Variants in CADPS observed in about 807,000 individuals in gnomAD.
CADPS encodes the protein calcium-dependent secretion activator 1.
A neutral mutation model predicts 167.3 loss-of-function variants in CADPS; 57 were observed. That is an observed-to-expected ratio of 0.34 (90% CI 0.28 to 0.42). The LOEUF is 0.42. Ranked by LOEUF, CADPS falls within the 20% of genes least tolerant of loss-of-function variation. The probability of loss-of-function intolerance (pLI) is 1.00; values close to 1 mark genes in which losing one functional copy is unlikely to be tolerated. For synonymous variants in CADPS, 676 were observed against 635.3 expected (o/e 1.06, Z -0.96); for missense variants, 1,414 against 1,738.1 (o/e 0.81, Z 3.32).
intron 3 of CADPS, among the ~76,000 whole-genome samples, chr3:62,703,873 C>T (rs566309883): frequency 3.5e-4 from 54 of 152,266 alleles, no homozygotes; most frequent in Non-Finnish European, 6.3e-4. Flanking sequence ...ATCCAGTTGA[C>T]TTATCTTCAT....
At chr3:62,512,653 G>T in intron 17 of CADPS, 98 bp downstream of exon 17, 1 of 822,490 alleles carries the variant, frequency 1.2e-6, no homozygotes, top group East Asian at 2.6e-5. Flanking sequence ...ATGGCTCTCT[G>T]GGAGTACAAA....
At position 62,446,040 on chromosome 3, in the gene CADPS, C is replaced by T. The variant is rs775427656; in HGVS notation, c.3637-243G>A. Among the ~76,000 whole-genome samples, 1 of 152,182 alleles carries T rather than the reference C, an allele frequency of 6.6e-6. No individual in the cohort carries two copies. Among genetic ancestry groups the T allele is most frequent in the Non-Finnish European group, 1.5e-5 (1 of 68,030 alleles). ...TCAGATTCTGTTGCTGGAGCGGGAG[C>T]TTTACATTTTCCTCCCTCCCTCTGA... On this transcript the variant is annotated intron_variant, in intron 26 of 29. Coordinates refer to ENST00000383710, the MANE Select transcript of CADPS (RefSeq NM_003716.4). The surrounding 1 kb of genome is among the most constrained non-coding windows in gnomAD (Gnocchi z 4.9).
At chr3:62,659,380 G>T (rs892664725) in intron 4 of CADPS, among the ~76,000 whole-genome samples, 3 of 152,124 alleles carry the variant, frequency 2.0e-5, no homozygotes, top group Non-Finnish European at 4.4e-5. Context: ...ATCAGTATTA[G>T]CCAGGCTGGT....
intron 1 of CADPS, among the ~76,000 whole-genome samples, chr3:62,772,755 G>A (rs1267770614): frequency 6.6e-6 from 1 of 152,172 alleles, no homozygotes; most frequent in East Asian, 1.9e-4. Context: ...TGGTTAATAT[G>A]TGTCCTATTG....
chr3:62,621,942 C>G (rs2063250565), intron 6 of CADPS, among the ~76,000 whole-genome samples: 1 of 150,760 alleles, frequency 6.6e-6, no homozygotes, highest in Non-Finnish European at 1.5e-5. Context: ...CTGGAGCCTG[C>G]CTTCTCCAGC....
intron 3 of CADPS, among the ~76,000 whole-genome samples, chr3:62,744,264 T>C (rs2152329160): frequency 1.3e-5 from 2 of 152,182 alleles, no homozygotes; most frequent in East Asian, 3.9e-4. Flanking sequence ...ACGTAAATTA[T>C]GAAGCCTCCA....
rs1330475735 is a variant in CADPS, at chr3:62,465,505, A to G, written c.3553-55T>C. The G allele has an allele frequency of 8.2e-6, 10 of 1,224,896 alleles. No individual in the cohort carries two copies. The highest frequency in any genetic ancestry group is 1.4e-5 in the South Asian group (1 of 72,750). The allele number at this position is 1,224,896 out of a possible 1,614,324, so 75.9% of individuals were successfully genotyped here. A position where few individuals can be genotyped will look rare whatever the true frequency, so the allele number is the denominator to read the frequency against. ...TTATTTCAAACTATAATTGTTCACC[A>G]TAAAGCACATCATTTCCCCACCACA... On this transcript the variant is annotated intron_variant, in intron 25 of 29. Transcript: ENST00000383710. The surrounding 1 kb of genome is among the most constrained non-coding windows in gnomAD (Gnocchi z 4.1).
Position 62,776,893 on chromosome 3 carries a change from A to C in CADPS, c.442-10909T>G, listed in dbSNP as rs75120241. ...AGGGCATTCCAGGTTGAGGGTACAA[A>C]ATGGGTGAGGAAAGACAAGATGAGA... On this transcript the variant is annotated intron_variant, in intron 1 of 29. Transcript: ENST00000383710. Among the ~76,000 whole-genome samples the C allele has an allele frequency of 4.2e-3, 642 of 152,202 alleles. 6 individuals are homozygous for C. Among genetic ancestry groups the C allele is most frequent in the African/African-American group, 0.014 (597 of 41,526 alleles).
At chr3:62,734,617 T>C (rs2152208317) in intron 3 of CADPS, among the ~76,000 whole-genome samples, 2 of 152,368 alleles carry the variant, frequency 1.3e-5, no homozygotes, top group South Asian at 4.1e-4. Context: ...ATTTATCTTT[T>C]CTGTTGAATG....
At chr3:62,429,463 C>A (rs2053484682) in intron 28 of CADPS, among the ~76,000 whole-genome samples, 1 of 152,110 alleles carries the variant, frequency 6.6e-6, no homozygotes, top group Admixed American at 6.6e-5. Context: ...ATCGTGAAAT[C>A]TTTTGATAGC....
intron 8 of CADPS, among the ~76,000 whole-genome samples, chr3:62,572,055 G>A (rs1170103801): frequency 6.6e-6 from 1 of 152,182 alleles, no homozygotes; most frequent in Non-Finnish European, 1.5e-5. Context: ...CCTGTCTACT[G>A]TCATCAACAC....
chr3:62,869,301 T>G (rs1017431805), intron 1 of CADPS, among the ~76,000 whole-genome samples: 2 of 152,144 alleles, frequency 1.3e-5, no homozygotes, highest in Non-Finnish European at 2.9e-5. Context: ...CAGTCACTTC[T>G]GTACCAGTCT....
intron 1 of CADPS, among the ~76,000 whole-genome samples, chr3:62,771,638 C>T (rs74548916): frequency 0.023 from 3,451 of 152,140 alleles, 64 homozygotes; most frequent in South Asian, 0.061. Context: ...ATTTAATATG[C>T]ATAGAAACCA....
intron 28 of CADPS, among the ~76,000 whole-genome samples, chr3:62,427,908 C>A (rs2053090001): frequency 6.6e-6 from 1 of 152,074 alleles, no homozygotes; most frequent in Admixed American, 6.6e-5. Flanking sequence ...ATGAGAGGGG[C>A]TTTATACCTT....
chr3:62,864,366 CAGA>C (rs1258604482), intron 1 of CADPS, among the ~76,000 whole-genome samples: 3 of 152,156 alleles, frequency 2.0e-5, no homozygotes, highest in Non-Finnish European at 4.4e-5. Context: ...ATGGTATGGA[CAGA>C]AGAAGAGGGC....
rs2054183864 is a variant in CADPS at position 62,432,474 on chromosome 3, G to A, written c.3777+5630C>T. Among the ~76,000 whole-genome samples, 4 of 152,122 alleles carry A rather than the reference G, an allele frequency of 2.6e-5. No individual in the cohort carries two copies. In the South Asian group the frequency reaches 8.3e-4, roughly 32 times the overall value. On this transcript the variant is annotated intron_variant, in intron 28 of 29. Coordinates refer to ENST00000383710, the MANE Select transcript of CADPS (RefSeq NM_003716.4). ...AAGGTACCAGGCTGCTCTACATCAA[G>A]CAATTCTAAGCAAGCTTGGGGTTAA... is the stretch of plus-strand genomic sequence containing the variant.
Position 62,399,316 on chromosome 3 carries a change from G to T in CADPS, c.*90C>A. The T allele has an allele frequency of 2.4e-6, 3 of 1,249,536 alleles. No homozygotes were observed. Among genetic ancestry groups the T allele is most frequent in the East Asian group, 4.7e-5 (2 of 42,516 alleles). 77.4% of individuals were successfully genotyped at this position (1,249,536 alleles called of 1,614,324 possible). A position where few individuals can be genotyped will look rare whatever the true frequency, so the allele number is the denominator to read the frequency against. ...TAAACATCTCATGGGCATGGTAGTT[G>T]ACAGAAAATTCCTAATGGGTTTAAC... is the stretch of plus-strand genomic sequence containing the variant. On this transcript the variant is annotated 3_prime_UTR_variant, in exon 30 of 30. Transcript: ENST00000383710. This position sits in a 1 kb window ranked among gnomAD's most constrained non-coding sequence, Gnocchi z 5.6.
intron 11 of CADPS, among the ~76,000 whole-genome samples, chr3:62,549,063 T>C (rs1469027011): frequency 6.6e-6 from 1 of 152,216 alleles, no homozygotes; most frequent in Non-Finnish European, 1.5e-5. Flanking sequence ...CATACTAAAG[T>C]AATAAATCAT....
intron 6 of CADPS, among the ~76,000 whole-genome samples, chr3:62,608,305 C>T (rs2060984024): frequency 6.7e-6 from 1 of 148,544 alleles, no homozygotes; most frequent in South Asian, 2.1e-4. Context: ...TTTTTTGAGA[C>T]AGGATCTTGC....
Sources: allele counts gnomAD v4.1 joint callset (sites outside exome capture counted in the v4.1 genomes callset), GRCh38; gene constraint gnomAD v4.1.1; non-coding constraint Gnocchi (gnomAD v3.1); transcripts MANE v1.5; gene names NCBI Gene and HGNC (gene_info 2026-07-23, HGNC 2026-07-21).